TSEN2: variants seen among roughly 807,000 people sequenced by gnomAD.
The protein encoded by TSEN2 is tRNA splicing endonuclease subunit 2.
In TSEN2, 54 loss-of-function variants were observed where a neutral mutation model predicts 59.2. The observed-to-expected ratio is 0.91, with a 90% CI of 0.73 to 1.14. The LOEUF is 1.14. Ranked by LOEUF, TSEN2 falls within the 50% of genes most tolerant of loss-of-function variation. The pLI, the probability that TSEN2 is intolerant of heterozygous loss-of-function variation, is 0.00. For missense variants in TSEN2, 636 were observed against 576.2 expected, an observed-to-expected ratio of 1.10 and a Z score of -1.06; for synonymous variants, 195 against 198.2, an observed-to-expected ratio of 0.98 and a Z score of 0.14.
rs898652708 is a variant in TSEN2 at position 12,484,726 on chromosome 3, G to C, written c.-172G>C. On this transcript the variant is annotated 5_prime_UTR_variant, in exon 1 of 12. Coordinates refer to ENST00000284995, the MANE Select transcript of TSEN2 (RefSeq NM_025265.4). Reference sequence around the variant, plus strand: ...TCACTGACTCCTCCGCGCTTTCCTCGTGCGCCTGCAGCCCTTGGTTCTTGG... The same window carrying C: ...TCACTGACTCCTCCGCGCTTTCCTCCTGCGCCTGCAGCCCTTGGTTCTTGG... The C allele has an allele frequency of 2.6e-5, 4 of 152,276 alleles. No individual in the cohort carries two copies. The East Asian group carries it at 5.8e-4, about 22-fold the overall frequency. The allele number at this position is 152,276 out of a possible 1,614,324, so 9.4% of individuals were successfully genotyped here.
chr3:12,520,966 G>A (rs536974957), intron 8 of TSEN2, among the ~76,000 whole-genome samples: 31 of 152,160 alleles, frequency 2.0e-4, no homozygotes, highest in African/African-American at 5.5e-4. Flanking sequence ...AGACCCCAGC[G>A]TCTGTTGTTC....
chr3:12,483,227 T>C (rs1030036654), upstream of TSEN2, among the ~76,000 whole-genome samples: 1 of 152,004 alleles, frequency 6.6e-6, no homozygotes, highest in Admixed American at 6.6e-5. Flanking sequence ...AATATAACAA[T>C]CAGCCGGGCG....
In TSEN2 at chr3:12,532,829, G is replaced by A; in HGVS notation, c.*108G>A. On this transcript the variant is annotated 3_prime_UTR_variant, in exon 12 of 12. Coordinates refer to ENST00000284995, the MANE Select transcript of TSEN2 (RefSeq NM_025265.4). ...TTAATTCATAAGTTTTAAAGGGCAT[G>A]GTGCTCCCAGCACCAGAAAACTATC... 9.8e-7 allele frequency: 1 copy of A among 1,021,886 alleles called. No homozygotes were observed. Among genetic ancestry groups the A allele is most frequent in the Non-Finnish European group, 1.5e-6 (1 of 658,808 alleles). 63.3% of individuals were successfully genotyped at this position (1,021,886 alleles called of 1,614,324 possible). A position where few individuals can be genotyped will look rare whatever the true frequency, so the allele number is the denominator to read the frequency against.
rs112946340 is a variant in TSEN2, at chr3:12,516,718, G to T, written c.960+57G>T. ...AAAATTTCCCTGTTGTTAAAAGCAG[G>T]TTGTACTAATTTCTATATTGCATTA... On this transcript the variant is annotated intron_variant, in intron 7 of 11. Transcript: ENST00000284995. 3.3e-6 allele frequency: 5 copies of T among 1,501,902 alleles called. No individual in the cohort carries two copies. The East Asian group carries it at 9.0e-5, about 27-fold the overall frequency. The allele number at this position is 1,501,902 out of a possible 1,614,324, so 93.0% of individuals were successfully genotyped here. A position where few individuals can be genotyped will look rare whatever the true frequency, so the allele number is the denominator to read the frequency against.
At chr3:12,490,722 A>G (rs2053132542) in intron 2 of TSEN2, among the ~76,000 whole-genome samples, 1 of 152,192 alleles carries the variant, frequency 6.6e-6, no homozygotes, top group Admixed American at 6.5e-5. Context: ...TCCCATCACC[A>G]CAGAGTTCCC....
chr3:12,499,178 A>C (rs2054046182), intron 4 of TSEN2, among the ~76,000 whole-genome samples: 1 of 151,898 alleles, frequency 6.6e-6, no homozygotes, highest in Admixed American at 6.6e-5. Context: ...CTTCTGCGTA[A>C]CTCTTTCTGA....
Position 12,489,961 on chromosome 3 carries a change from C to T in TSEN2, c.161C>T (p.Ala54Val), listed in dbSNP as rs763202098. The change falls in exon 2 of 12, where the codon GCG becomes GTG. Residue 54 changes from alanine to valine, a missense_variant. Physicochemically the swap from Ala to Val is moderately conservative, Grantham distance 64. Coordinates refer to ENST00000284995, the MANE Select transcript of TSEN2 (RefSeq NM_025265.4). Reference sequence around the variant, plus strand: ...AACAACAATGTGATTGTGAGGAATGCGGAGGACATTGAGCAGCTCTATGGG... The same window carrying T: ...AACAACAATGTGATTGTGAGGAATGTGGAGGACATTGAGCAGCTCTATGGG... Reference protein sequence around the residue: ...MINNNVIVRNAEDIEQLYGKG... With the variant: ...MINNNVIVRNVEDIEQLYGKG... 1.1e-5 allele frequency: 18 copies of T among 1,613,978 alleles called. No individual in the cohort carries two copies. In the South Asian group the frequency reaches 1.2e-4, roughly 11 times the overall value.
At chr3:12,535,896 G>C (rs299628), downstream of TSEN2, among the ~76,000 whole-genome samples, 76,824 of 151,964 alleles carry the variant, frequency 0.51, 20,835 homozygotes, top group African/African-American at 0.7. Flanking sequence ...CAGGGGCGAC[G>C]TTGGAAACGT....
chr3:12,503,619 C>A lies in TSEN2; in HGVS notation c.666C>A (p.Cys222Ter). 1 of 1,594,352 alleles carries A rather than the reference C, an allele frequency of 6.3e-7. No individual in the cohort carries two copies. ...CCTCACCTCTGCCCCATGTCTGTTG[C>A]TGCAAACAAGATGCTCTCATCCTCC... ...EDASPLPHVC[C>*]CKQDALILQR... The change falls in exon 5 of 12, where the codon TGC becomes TGA. Residue 222 changes from cysteine to a stop codon, truncating the protein, a stop_gained. Coordinates refer to ENST00000284995, the MANE Select transcript of TSEN2 (RefSeq NM_025265.4). LOFTEE classifies it high-confidence loss of function.
At chr3:12,505,960 G>A (rs1450803552) in intron 6 of TSEN2, among the ~76,000 whole-genome samples, 2 of 151,906 alleles carry the variant, frequency 1.3e-5, no homozygotes, top group Non-Finnish European at 2.9e-5. Context: ...GTGAGACTCT[G>A]TGTCAAACAA....
At chr3:12,522,844 C>A (rs2056760943) in intron 8 of TSEN2, among the ~76,000 whole-genome samples, 1 of 152,186 alleles carries the variant, frequency 6.6e-6, no homozygotes, top group African/African-American at 2.4e-5. Context: ...TATTTGCCTA[C>A]TGGGGAAGCC....
intron 4 of TSEN2, among the ~76,000 whole-genome samples, chr3:12,502,668 G>GT (rs1254923551): frequency 3.9e-5 from 5 of 126,718 alleles, no homozygotes; most frequent in African/African-American, 8.7e-5. Flanking sequence ...CTGGGGGTTA[G>GT]TTTTTTTTGT....
upstream of TSEN2, among the ~76,000 whole-genome samples, chr3:12,481,289 G>T (rs1489654188): frequency 6.6e-6 from 1 of 152,190 alleles, no homozygotes; most frequent in African/African-American, 2.4e-5. Context: ...AACTCACCTA[G>T]TTGCTAAAAC....
intron 8 of TSEN2, among the ~76,000 whole-genome samples, chr3:12,526,618 CTG>C (rs2057105343): frequency 6.6e-6 from 1 of 152,214 alleles, no homozygotes; most frequent in South Asian, 2.1e-4. Flanking sequence ...GCCACACAGA[CTG>C]TAATTGTTAC....
intron 2 of TSEN2, among the ~76,000 whole-genome samples, chr3:12,490,403 A>G (rs77514465): frequency 0.014 from 2,107 of 152,324 alleles, 24 homozygotes; most frequent in Middle Eastern, 0.02. Context: ...GTCCCTACTC[A>G]GGCACGGATC....
Position 12,533,120 on chromosome 3 carries a change from G to A in TSEN2, c.*399G>A, listed in dbSNP as rs985092036. ...TACAGTTTATGAAGCACTTTCATAC[G>A]CAGGCATCTCTTGTTACCTACATCT... On this transcript the variant is annotated 3_prime_UTR_variant, in exon 12 of 12. Transcript: ENST00000284995. 11 of 276,372 alleles carry A rather than the reference G, an allele frequency of 4.0e-5. No individual in the cohort carries two copies. The highest frequency in any genetic ancestry group is 8.7e-5 in the African/African-American group (4 of 45,774). 17.1% of individuals were successfully genotyped at this position (276,372 alleles called of 1,614,324 possible). A position where few individuals can be genotyped will look rare whatever the true frequency, so the allele number is the denominator to read the frequency against.
rs1406377923 is a variant in TSEN2, at chr3:12,524,735, G to GTC, written c.1100-4149_1100-4148dup. ...CATTAAACCTACTGCAATCTCTTTG[G>GTC]TCTCTTTTTTTTTTTTTTTTTTCTT... On this transcript the variant is annotated intron_variant, in intron 8 of 11. Coordinates refer to ENST00000284995, the MANE Select transcript of TSEN2 (RefSeq NM_025265.4). Among the ~76,000 whole-genome samples the GTC allele has an allele frequency of 2.6e-3, 332 of 125,756 alleles. 2 individuals carry two copies. Among genetic ancestry groups the GTC allele is most frequent in the African/African-American group, 6.9e-3 (206 of 29,976 alleles). 82.5% of individuals were successfully genotyped at this position (125,756 alleles called of 152,430 possible).
chr3:12,537,441 A>G (rs1432968610), downstream of TSEN2, among the ~76,000 whole-genome samples: 1 of 152,152 alleles, frequency 6.6e-6, no homozygotes, highest in Non-Finnish European at 1.5e-5. Flanking sequence ...TGCAGCCCCT[A>G]AGGGAAATTA....
intron 6 of TSEN2, among the ~76,000 whole-genome samples, chr3:12,513,340 C>T (rs2055699559): frequency 6.6e-6 from 1 of 152,136 alleles, no homozygotes; most frequent in Non-Finnish European, 1.5e-5. Context: ...GGGAAGAAAA[C>T]TAAGGCCAGC....
Sources: gnomAD v4.1 joint callset for allele counts (sites outside exome capture counted in the v4.1 genomes callset) on GRCh38, gnomAD v4.1.1 for gene constraint, MANE v1.5 for transcripts, NCBI Gene and HGNC (gene_info 2026-07-23, HGNC 2026-07-21) for gene names.